DCLRE1C: variants seen among roughly 807,000 people sequenced by gnomAD.
DCLRE1C encodes DNA cross-link repair 1C.
DCLRE1C carries 47 observed loss-of-function variants against 61.4 expected under a neutral mutation model. That is an observed-to-expected ratio of 0.77 (90% confidence interval 0.61 to 0.98). The LOEUF (loss-of-function observed/expected upper bound fraction) is 0.98. Among genes scored for constraint, DCLRE1C ranks in the 50% least tolerant of loss-of-function variants. The pLI, the probability that DCLRE1C is intolerant of heterozygous loss-of-function variation, is 0.00. For missense variants in DCLRE1C, 858 were observed against 816.0 expected, an observed-to-expected ratio of 1.05 and a Z score of -0.63; for synonymous variants, 337 against 287.6, an observed-to-expected ratio of 1.17 and a Z score of -1.74.
rs372803682 is a variant in DCLRE1C, at chr10:14,953,012, C to T, written c.109+890G>A. Among the ~76,000 whole-genome samples, 32 of 152,348 alleles carry T rather than the reference C, an allele frequency of 2.1e-4. No homozygotes were observed. In the East Asian group the frequency reaches 4.0e-3, roughly 19 times the overall value. ...CGCAGGTACAGATAGGTTTGTTACG[C>T]TGATTGACTCCACAGGGTAGTGGGA... On this transcript the variant is annotated intron_variant, in intron 1 of 13. Transcript: ENST00000378278.
chr10:14,899,301 C>G (rs1402507949), exon 14 of DCLRE1C: 1 of 698,164 alleles, frequency 1.4e-6, no homozygotes, highest in South Asian at 1.5e-5. Context: ...GCCTGAGTGA[C>G]AGAGTGAGAC....
intron 4 of DCLRE1C, among the ~76,000 whole-genome samples, chr10:14,938,449 A>G (rs1377111097): frequency 6.6e-6 from 1 of 152,192 alleles, no homozygotes; most frequent in East Asian, 1.9e-4. Flanking sequence ...ATCTTCACCA[A>G]AGAAGAAATA....
Position 14,944,172 on chromosome 10 carries a change from C to T in DCLRE1C, c.246+933G>A, listed in dbSNP as rs1055343751. ...ATTATGTTAATGAACACTTTACACTCTAAAATATTAAAATGTGGCCAGGCA... is the reference window on the plus strand; with the variant it reads ...ATTATGTTAATGAACACTTTACACTTTAAAATATTAAAATGTGGCCAGGCA... On this transcript the variant is annotated intron_variant, in intron 3 of 13. Coordinates refer to ENST00000378278, the MANE Select transcript of DCLRE1C (RefSeq NM_001033855.3). Among the ~76,000 whole-genome samples the T allele has an allele frequency of 9.9e-5, 15 of 152,132 alleles. 1 individual carries two copies. The highest frequency in any genetic ancestry group is 3.4e-4 in the African/African-American group (14 of 41,438).
chr10:14,937,529 C>T lies in DCLRE1C; in HGVS notation c.307-936G>A, dbSNP rs528047591. 9.5e-4 allele frequency among the ~76,000 whole-genome samples: 145 copies of T among 152,208 alleles called. 4 individuals are homozygous for T. In the South Asian group the frequency reaches 0.022, roughly 23 times the overall value. ...GAACTCTTGACCTCAAGTGATACAT[C>T]TGCCTCGGCCTCCCAAAGTGCTGGG... is the stretch of plus-strand genomic sequence containing the variant. On this transcript the variant is annotated intron_variant, in intron 4 of 13. Coordinates refer to ENST00000378278, the MANE Select transcript of DCLRE1C (RefSeq NM_001033855.3).
intron 13 of DCLRE1C, among the ~76,000 whole-genome samples, chr10:14,913,490 A>G (rs1835644297): frequency 6.6e-6 from 1 of 152,218 alleles, no homozygotes; most frequent in Admixed American, 6.5e-5. Flanking sequence ...GACTGGGAGA[A>G]GAGGAATGGA....
Position 14,936,443 on chromosome 10 carries a change from C to G in DCLRE1C, c.362+95G>C, listed in dbSNP as rs148410377. On this transcript the variant is annotated intron_variant, in intron 5 of 13. Coordinates refer to ENST00000378278, the MANE Select transcript of DCLRE1C (RefSeq NM_001033855.3). ...GATTACAGACATGTGCCACTGCACC[C>G]AGCCCCCTATTAATTTTAGACCCTA... 551 of 963,940 alleles carry G rather than the reference C, an allele frequency of 5.7e-4. 4 individuals carry two copies. The African/African-American group carries it at 8.2e-3, about 14-fold the overall frequency. The allele number at this position is 963,940 out of a possible 1,614,324, so 59.7% of individuals were successfully genotyped here.
At chr10:14,941,197 T>C (rs1342998055) in intron 3 of DCLRE1C, among the ~76,000 whole-genome samples, 1 of 152,268 alleles carries the variant, frequency 6.6e-6, no homozygotes, top group Non-Finnish European at 1.5e-5. Context: ...ATATATCTAT[T>C]TAATGCTATC....
At chr10:14,915,082 T>C (rs1835950184) in intron 13 of DCLRE1C, among the ~76,000 whole-genome samples, 1 of 151,602 alleles carries the variant, frequency 6.6e-6, no homozygotes, top group African/African-American at 2.4e-5. Context: ...AGAAAAAAAG[T>C]CAAAGGAAAA....
chr10:14,908,805 G>A lies in DCLRE1C; in HGVS notation c.1682C>T (p.Ser561Phe), dbSNP rs1834757715. Residue 561 changes from serine to phenylalanine, a missense_variant, in exon 14 of 14, where the codon TCT becomes TTT. Physicochemically the swap from Ser to Phe is radical, Grantham distance 155. Around this residue, in one of 2 missense-constraint regions of DCLRE1C, gnomAD observed 843 missense variants for 783.5 expected, o/e 1.08. Coordinates refer to ENST00000378278, the MANE Select transcript of DCLRE1C (RefSeq NM_001033855.3). ...ATCCCCACTGTTTCTCTCTTGGGAAGATAACAAAACAGTATCAGATTGGCT... is the reference window on the plus strand; with the variant it reads ...ATCCCCACTGTTTCTCTCTTGGGAAAATAACAAAACAGTATCAGATTGGCT... ...WDSQSDTVLL[S>F]SQERNSGDIT... is the part of the protein sequence containing the mutation. The A allele has an allele frequency of 1.2e-6, 2 of 1,614,206 alleles. No individual in the cohort carries two copies. The highest frequency in any genetic ancestry group is 1.7e-6 in the Non-Finnish European group (2 of 1,180,036).
chr10:14,926,683 T>G (rs1222511041), intron 11 of DCLRE1C, among the ~76,000 whole-genome samples, 160 bp downstream of exon 11: 1 of 142,282 alleles, frequency 7.0e-6, no homozygotes, highest in Admixed American at 7.0e-5. Context: ...AAGGAATCCA[T>G]GAATAATGAG....
chr10:14,941,302 T>A lies in DCLRE1C; in HGVS notation c.247-1433A>T, dbSNP rs117605185. Among the ~76,000 whole-genome samples, 824 of 152,272 alleles carry A rather than the reference T, an allele frequency of 5.4e-3. 4 individuals carry two copies. Among genetic ancestry groups the A allele is most frequent in the East Asian group, 0.025 (131 of 5,188 alleles). On this transcript the variant is annotated intron_variant, in intron 3 of 13. Coordinates refer to ENST00000378278, the MANE Select transcript of DCLRE1C (RefSeq NM_001033855.3). The stretch of plus-strand genomic sequence containing the variant: ...AGCTCCTTTATTTATTTATTTATTT[T>A]GAGACAGGCTCTCGCTGTGTTAGCC...
At chr10:14,944,673 C>CTTTTTTTTTTTTTTT (rs1165126470) in intron 3 of DCLRE1C, among the ~76,000 whole-genome samples, 1 of 117,724 alleles carries the variant, frequency 8.5e-6, no homozygotes, top group Non-Finnish European at 1.8e-5. Context: ...TTTTTTTTTT[C>CTTTTTTTTTTTTTTT]TTTTTTTTTT....
chr10:14,950,001 TA>T (rs1471734860), intron 1 of DCLRE1C, among the ~76,000 whole-genome samples: 4 of 151,948 alleles, frequency 2.6e-5, no homozygotes, highest in Non-Finnish European at 5.9e-5. Flanking sequence ...GCCAAGGCCA[TA>T]ACACTGCACT....
downstream of DCLRE1C, chr10:14,901,008 A>C (rs1463284844): frequency 1.5e-6 from 2 of 1,301,956 alleles, no homozygotes; most frequent in Non-Finnish European, 2.1e-6. Context: ...ACCTCTAAGC[A>C]ATAAGCAACT....
chr10:14,902,550 T>C (rs566400734), downstream of DCLRE1C: 8 of 1,330,970 alleles, frequency 6.0e-6, no homozygotes, highest in South Asian at 1.0e-4. Flanking sequence ...TATAATATTT[T>C]TTTCCTAATG....
intron 9 of DCLRE1C, among the ~76,000 whole-genome samples, chr10:14,930,733 G>A (rs962669150): frequency 2.6e-5 from 4 of 151,872 alleles, no homozygotes; most frequent in Non-Finnish European, 4.4e-5. Context: ...ACACCCGGCC[G>A]GTTTACGTTT....
At chr10:14,926,794 C>G (rs1240625757) in intron 11 of DCLRE1C, 49 bp downstream of exon 11, 2 of 1,462,578 alleles carry the variant, frequency 1.4e-6, no homozygotes, top group Non-Finnish European at 1.9e-6. Context: ...ACTACCAAGG[C>G]TGCAGAACAC....
At chr10:14,918,623 G>GTT (rs202230932) in intron 13 of DCLRE1C, among the ~76,000 whole-genome samples, 3 of 139,984 alleles carry the variant, frequency 2.1e-5, no homozygotes, top group African/African-American at 8.1e-5. Context: ...CAGGAAAGCT[G>GTT]TTTTTTAAAA....
At position 14,908,352 on chromosome 10, in the gene DCLRE1C, T is replaced by G. The variant is rs1159984637; in HGVS notation, c.*56A>C. ...GTATTTTCTCTATTGTAATATTGAC[T>G]GTCATCTCTGTGCAGGTTTTTTAGT... is the stretch of plus-strand genomic sequence containing the variant. On this transcript the variant is annotated 3_prime_UTR_variant, in exon 14 of 14. Transcript: ENST00000378278. 1.1e-5 allele frequency: 14 copies of G among 1,307,708 alleles called. No homozygotes were observed. The highest frequency in any genetic ancestry group is 1.3e-5 in the Non-Finnish European group (12 of 906,486). 81.0% of individuals were successfully genotyped at this position (1,307,708 alleles called of 1,614,324 possible).
Sources: allele counts gnomAD v4.1 joint callset (sites outside exome capture counted in the v4.1 genomes callset), GRCh38; gene constraint gnomAD v4.1.1; regional missense constraint gnomAD v4.1.1; transcripts MANE v1.5; gene names NCBI Gene and HGNC (gene_info 2026-07-23, HGNC 2026-07-21).